Variants in YWHAH observed in about 807,000 individuals in gnomAD.
YWHAH encodes the protein tyrosine 3-monooxygenase/tryptophan 5-monooxygenase activation protein eta, also known as 14-3-3 protein eta.
In YWHAH, 6 loss-of-function variants were observed where a neutral mutation model predicts 22.9. That is an observed-to-expected ratio of 0.26 (90% CI 0.14 to 0.52). YWHAH has a LOEUF of 0.52. Among genes scored for constraint, YWHAH ranks in the 20% least tolerant of loss-of-function variants. The pLI, the probability that YWHAH is intolerant of heterozygous loss-of-function variation, is 0.97. For synonymous variants in YWHAH, 135 were observed against 124.5 expected (o/e 1.08, Z -0.56); for missense variants, 173 against 308.6 (o/e 0.56, Z 3.29).
chr22:31,949,316 G>A (rs1279056570), intron 1 of YWHAH, among the ~76,000 whole-genome samples: 1 of 151,162 alleles, frequency 6.6e-6, no homozygotes, highest in Non-Finnish European at 1.5e-5. Flanking sequence ...GCCTAATTTT[G>A]TATTTTTAGT....
At chr22:31,945,719 T>G in intron 1 of YWHAH, 1 of 1,221,886 alleles carries the variant, frequency 8.2e-7, no homozygotes, top group Non-Finnish European at 1.0e-6. Context: ...GGTCACACAG[T>G]GGTAGAACAA....
At chr22:31,955,550 C>A (rs2079390321) in intron 1 of YWHAH, among the ~76,000 whole-genome samples, 2 of 147,784 alleles carry the variant, frequency 1.4e-5, no homozygotes, top group Non-Finnish European at 1.5e-5. Context: ...TCAAGAGTTT[C>A]TCTTGCCTCA....
At chr22:31,948,855 G>A (rs5998188) in intron 1 of YWHAH, among the ~76,000 whole-genome samples, 14,106 of 152,220 alleles carry the variant, frequency 0.093, 1,798 homozygotes, top group African/African-American at 0.29. Context: ...AACAGCTTAC[G>A]TGGCTTTCTT....
At position 31,945,441 on chromosome 22, in the gene YWHAH, A is replaced by G; in HGVS notation, c.87+621A>G. 3 of 1,304,002 alleles carry G rather than the reference A, an allele frequency of 2.3e-6. No individual in the cohort carries two copies. In the Admixed American group the frequency reaches 6.9e-5, roughly 30 times the overall value. The allele number at this position is 1,304,002 out of a possible 1,614,324, so 80.8% of individuals were successfully genotyped here. A position where few individuals can be genotyped will look rare whatever the true frequency, so the allele number is the denominator to read the frequency against. On this transcript the variant is annotated intron_variant, in intron 1 of 1. Transcript: ENST00000248975. ...CGGAGGGTGTGGGGCCCCACTCCAC[A>G]GCCCCAGGTTTGCTGCTGCGCTGTC...
intron 1 of YWHAH, among the ~76,000 whole-genome samples, chr22:31,948,770 C>T (rs1286840020): frequency 2.6e-5 from 4 of 152,168 alleles, no homozygotes; most frequent in East Asian, 3.8e-4. Context: ...AAAATGTAAT[C>T]GTCTTTGAGG....
chr22:31,950,620 T>G (rs931735259), intron 1 of YWHAH, among the ~76,000 whole-genome samples: 2 of 152,138 alleles, frequency 1.3e-5, no homozygotes, highest in African/African-American at 4.8e-5. Flanking sequence ...GGTAGCTGTT[T>G]TATTTGACTA....
At chr22:31,944,887 C>A in intron 1 of YWHAH, 67 bp downstream of exon 1, 1 of 1,196,752 alleles carries the variant, frequency 8.4e-7, no homozygotes, top group Non-Finnish European at 1.0e-6. Flanking sequence ...ACGGGGATGG[C>A]CGCGGGCGCG....
intron 1 of YWHAH, among the ~76,000 whole-genome samples, chr22:31,951,766 TG>T (rs1331371005): frequency 6.6e-6 from 1 of 151,772 alleles, no homozygotes; most frequent in Non-Finnish European, 1.5e-5. Flanking sequence ...TGCCCTGGGG[TG>T]GGGACTAGGT....
intron 1 of YWHAH, among the ~76,000 whole-genome samples, chr22:31,954,139 T>C (rs575586683): frequency 1.3e-5 from 2 of 152,364 alleles, no homozygotes; most frequent in South Asian, 4.1e-4. Context: ...TATTTGAATA[T>C]GCTATTGATA....
Position 31,956,909 on chromosome 22 carries a change from A to C in YWHAH, c.*117A>C, listed in dbSNP as rs2093850288. The C allele has an allele frequency of 7.9e-7, 1 of 1,267,398 alleles. No homozygotes were observed. The highest frequency in any genetic ancestry group is 1.1e-6 in the Non-Finnish European group (1 of 941,148). The allele number at this position is 1,267,398 out of a possible 1,614,324, so 78.5% of individuals were successfully genotyped here. On this transcript the variant is annotated 3_prime_UTR_variant, in exon 2 of 2. Transcript: ENST00000248975. This position sits in a 1 kb window ranked among gnomAD's most constrained non-coding sequence, Gnocchi z 5.1. ...ACCTATCTGTATTGGCAGCACAGCT[A>C]CTCAGATCTGCACTCCTGTCTCTTG... is the stretch of plus-strand genomic sequence containing the variant.
Position 31,944,776 on chromosome 22 carries a change from G to A in YWHAH, c.43G>A (p.Glu15Lys). The part of the protein sequence containing the change: ...EQLLQRARLA[E>K]QAERYDDMAS... ...GCTGCTGCAGCGGGCGCGGCTGGCC[G>A]AGCAGGCGGAGCGCTACGACGACAT... Residue 15 changes from glutamate (E) to lysine (K), a missense_variant, in exon 1 of 2, where the codon GAG becomes AAG. By Grantham distance (56) the Glu-to-Lys change is moderately conservative. Coordinates refer to ENST00000248975, the MANE Select transcript of YWHAH (RefSeq NM_003405.4). The A allele has an allele frequency of 7.0e-7, 1 of 1,423,294 alleles. No individual in the cohort carries two copies. The highest frequency in any genetic ancestry group is 9.2e-7 in the Non-Finnish European group (1 of 1,082,968). The allele number at this position is 1,423,294 out of a possible 1,614,324, so 88.2% of individuals were successfully genotyped here. A position where few individuals can be genotyped will look rare whatever the true frequency, so the allele number is the denominator to read the frequency against.
In YWHAH at chr22:31,956,990, C is replaced by T. The variant is rs1487702810; in HGVS notation, c.*198C>T. On this transcript the variant is annotated 3_prime_UTR_variant, in exon 2 of 2. Coordinates refer to ENST00000248975, the MANE Select transcript of YWHAH (RefSeq NM_003405.4). This position sits in a 1 kb window ranked among gnomAD's most constrained non-coding sequence, Gnocchi z 5.1. ...GCTGGACTGATGGTTGCTTTGAGCCCACAGGAGCTCCCTTTTTGAATTGTG... is the reference window on the plus strand; with the variant it reads ...GCTGGACTGATGGTTGCTTTGAGCCTACAGGAGCTCCCTTTTTGAATTGTG... 1.5e-6 allele frequency: 1 copy of T among 646,902 alleles called. No individual in the cohort carries two copies. Among genetic ancestry groups the T allele is most frequent in the Non-Finnish European group, 2.5e-6 (1 of 397,200 alleles). The allele number at this position is 646,902 out of a possible 1,614,324, so 40.1% of individuals were successfully genotyped here.
At chr22:31,951,667 A>G (rs2149467910) in intron 1 of YWHAH, among the ~76,000 whole-genome samples, 1 of 152,278 alleles carries the variant, frequency 6.6e-6, no homozygotes, top group Non-Finnish European at 1.5e-5. Flanking sequence ...TGTCATAGGA[A>G]GATAAGTGAA....
chr22:31,944,688 CGAGCCAGCGGTGT>C lies in YWHAH; in HGVS notation c.-42_-30del, dbSNP rs1180966933. The C allele has an allele frequency of 1.5e-5, 19 of 1,291,084 alleles. No homozygotes were observed. The highest frequency in any genetic ancestry group is 1.9e-5 in the Non-Finnish European group (19 of 1,009,042). The allele number at this position is 1,291,084 out of a possible 1,614,324, so 80.0% of individuals were successfully genotyped here. On this transcript the variant is annotated 5_prime_UTR_variant, in exon 1 of 2. Transcript: ENST00000248975. ...GCGGACTGACCGGCGGGAGGGCTAGCGAGCCAGCGGTGTGAGGCGCGAGGCGAGGCCGAGCCGC... is the reference window on the plus strand; with the variant it reads ...GCGGACTGACCGGCGGGAGGGCTAGCGAGGCGCGAGGCGAGGCCGAGCCGC...
At position 31,956,439 on chromosome 22, in the gene YWHAH, T is replaced by A; in HGVS notation, c.388T>A (p.Tyr130Asn). 1 of 1,614,156 alleles carries A rather than the reference T, an allele frequency of 6.2e-7. No homozygotes were observed. Among genetic ancestry groups the A allele is most frequent in the Non-Finnish European group, 8.5e-7 (1 of 1,180,024 alleles). The change falls in exon 2 of 2, where the codon TAC (tyrosine) becomes AAC (asparagine). Residue 130 changes from tyrosine to asparagine, a missense_variant. Transcript: ENST00000248975. This position sits in a 1 kb window ranked among gnomAD's most constrained non-coding sequence, Gnocchi z 5.1. ...GTTTTACCTGAAAATGAAGGGTGAT[T>A]ACTACCGCTACTTAGCAGAGGTCGC... ...KVFYLKMKGDYYRYLAEVASG... is the reference protein window; with the variant it reads ...KVFYLKMKGDNYRYLAEVASG...
chr22:31,947,004 GAAAA>G lies in YWHAH; in HGVS notation c.87+2189_87+2192del, dbSNP rs371341174. Among the ~76,000 whole-genome samples, 98 of 151,954 alleles carry G rather than the reference GAAAA, an allele frequency of 6.4e-4. No homozygotes were observed. The East Asian group carries it at 0.017, about 27-fold the overall frequency. On this transcript the variant is annotated intron_variant, in intron 1 of 1. Coordinates refer to ENST00000248975, the MANE Select transcript of YWHAH (RefSeq NM_003405.4). ...GTGCTTATAGGTATTTTCTTTAAAA[GAAAA>G]AAAAGAATATATTGGAAGGGACTGG... is the stretch of plus-strand genomic sequence containing the variant.
chr22:31,955,310 T>C (rs1435984844), intron 1 of YWHAH, among the ~76,000 whole-genome samples: 1 of 152,224 alleles, frequency 6.6e-6, no homozygotes, highest in Non-Finnish European at 1.5e-5. Context: ...CCACCATCTG[T>C]TAATGTGTAT....
chr22:31,951,984 C>T (rs867820243), intron 1 of YWHAH, among the ~76,000 whole-genome samples: 5 of 152,044 alleles, frequency 3.3e-5, no homozygotes, highest in South Asian at 2.1e-4. Flanking sequence ...GCAGGGGTGG[C>T]GAAACCCCTG....
intron 1 of YWHAH, among the ~76,000 whole-genome samples, chr22:31,953,161 G>A (rs2093845419): frequency 6.6e-6 from 1 of 152,212 alleles, no homozygotes; most frequent in Non-Finnish European, 1.5e-5. Flanking sequence ...GTCACAGGAG[G>A]AAGTATATTG....
Sources: gnomAD v4.1 joint callset for allele counts (sites outside exome capture counted in the v4.1 genomes callset) on GRCh38, gnomAD v4.1.1 for gene constraint, Gnocchi (gnomAD v3.1) non-coding constraint, MANE v1.5 for transcripts, NCBI Gene and HGNC (gene_info 2026-07-23, HGNC 2026-07-21) for gene names.